The following SEMA3E variants were observed in gnomAD, a reference collection of about 807,000 sequenced individuals.
The protein encoded by SEMA3E is semaphorin-3E.
Under a neutral mutation model 93.6 loss-of-function variants are expected in SEMA3E, and 49 were observed. The observed-to-expected ratio is 0.52, with a 90% CI of 0.42 to 0.66. SEMA3E has a LOEUF of 0.66. Ranked by LOEUF, SEMA3E falls within the 30% of genes least tolerant of loss-of-function variation. SEMA3E has a pLI of 0.00. For missense variants in SEMA3E, 906 were observed against 964.8 expected, an observed-to-expected ratio of 0.94 and a Z score of 0.81; for synonymous variants, 363 against 330.7, an observed-to-expected ratio of 1.10 and a Z score of -1.06.
chr7:83,633,226 C>A lies in SEMA3E; in HGVS notation c.115+15202G>T, dbSNP rs770446106. ...GCCCCCTTCTTTACCTCTTCTTCTTCTCTCTGACTTTCTAACAAACACCTT... is the reference window on the plus strand; with the variant it reads ...GCCCCCTTCTTTACCTCTTCTTCTTATCTCTGACTTTCTAACAAACACCTT... On this transcript the variant is annotated intron_variant, in intron 1 of 16. Coordinates refer to ENST00000643230, the MANE Select transcript of SEMA3E (RefSeq NM_012431.3). Among the ~76,000 whole-genome samples the A allele has an allele frequency of 2.8e-4, 42 of 152,162 alleles. 1 individual carries two copies. Among genetic ancestry groups the A allele is most frequent in the Non-Finnish European group, 2.2e-4 (15 of 67,996 alleles).
At chr7:83,624,481 T>C (rs1364740055) in intron 1 of SEMA3E, among the ~76,000 whole-genome samples, 1 of 152,224 alleles carries the variant, frequency 6.6e-6, no homozygotes, top group Non-Finnish European at 1.5e-5. Flanking sequence ...TCAGTGATGA[T>C]AAGCTTTTTT....
At chr7:83,572,374 G>A (rs550954277) in intron 1 of SEMA3E, among the ~76,000 whole-genome samples, 1 of 152,020 alleles carries the variant, frequency 6.6e-6, no homozygotes, top group South Asian at 2.1e-4. Context: ...GTACAAAAAC[G>A]GATACACTGT....
chr7:83,612,097 T>C (rs1360521020), intron 1 of SEMA3E, among the ~76,000 whole-genome samples: 1 of 152,150 alleles, frequency 6.6e-6, no homozygotes, highest in Non-Finnish European at 1.5e-5. Flanking sequence ...TGTAATTCTC[T>C]ACTCACATAT....
intron 1 of SEMA3E, among the ~76,000 whole-genome samples, chr7:83,510,402 T>A (rs186939628): frequency 6.6e-6 from 1 of 152,336 alleles, no homozygotes; most frequent in East Asian, 1.9e-4. Context: ...AAGCTTCTCA[T>A]ATTTCTAGAG....
intron 1 of SEMA3E, among the ~76,000 whole-genome samples, chr7:83,611,327 T>C (rs1793254925): frequency 6.9e-6 from 1 of 144,308 alleles, no homozygotes; most frequent in East Asian, 2.0e-4. Context: ...GTATAATATA[T>C]AAATTTATAT....
At chr7:83,483,213 A>C (rs1310497558) in intron 2 of SEMA3E, among the ~76,000 whole-genome samples, 1 of 152,016 alleles carries the variant, frequency 6.6e-6, no homozygotes, top group East Asian at 1.9e-4. Context: ...GGCAAACTAT[A>C]GTAGTAGTAG....
At chr7:83,412,774 A>AC (rs1788467002) in intron 5 of SEMA3E, among the ~76,000 whole-genome samples, 1 of 151,858 alleles carries the variant, frequency 6.6e-6, no homozygotes, top group African/African-American at 2.4e-5. Flanking sequence ...AAAAAAAAAA[A>AC]AAAACACACA....
chr7:83,504,085 T>C (rs1790649137), intron 1 of SEMA3E, among the ~76,000 whole-genome samples: 1 of 152,208 alleles, frequency 6.6e-6, no homozygotes, highest in Non-Finnish European at 1.5e-5. Flanking sequence ...ACCAGGAGTT[T>C]GCAATCTGAC....
At chr7:83,437,035 C>T (rs575543798) in intron 4 of SEMA3E, among the ~76,000 whole-genome samples, 3 of 152,138 alleles carry the variant, frequency 2.0e-5, no homozygotes, top group African/African-American at 7.2e-5. Flanking sequence ...CGTCAGATCT[C>T]GTGAGACTTA....
At chr7:83,595,207 T>C (rs896765133) in intron 1 of SEMA3E, among the ~76,000 whole-genome samples, 3 of 152,080 alleles carry the variant, frequency 2.0e-5, no homozygotes, top group African/African-American at 7.2e-5. Flanking sequence ...ACAAAAAAAT[T>C]GGTTTATCTA....
At chr7:83,378,122 G>A (rs1460995622) in intron 16 of SEMA3E, among the ~76,000 whole-genome samples, 2 of 151,700 alleles carry the variant, frequency 1.3e-5, no homozygotes, top group Non-Finnish European at 2.9e-5. Flanking sequence ...ATTTAGGCTT[G>A]TATTTCAGAT....
chr7:83,531,338 A>ATTTTTT (rs1363628918), intron 1 of SEMA3E, among the ~76,000 whole-genome samples: 12 of 40,024 alleles, frequency 3.0e-4, no homozygotes, highest in South Asian at 1.1e-3. Context: ...TGATTGGAAT[A>ATTTTTT]TTCTTTTTTT....
chr7:83,410,783 T>C (rs1788424297), intron 5 of SEMA3E, among the ~76,000 whole-genome samples: 1 of 152,076 alleles, frequency 6.6e-6, no homozygotes, highest in African/African-American at 2.4e-5. Context: ...AAATTGACTA[T>C]TAACACATGA....
At chr7:83,623,005 TA>T (rs1243637336) in intron 1 of SEMA3E, among the ~76,000 whole-genome samples, 1 of 151,824 alleles carries the variant, frequency 6.6e-6, no homozygotes, top group African/African-American at 2.4e-5. Context: ...GATAAATAAA[TA>T]AAAAAATAAG....
intron 1 of SEMA3E, among the ~76,000 whole-genome samples, chr7:83,493,579 T>G (rs915058262): frequency 4.6e-5 from 7 of 151,962 alleles, no homozygotes; most frequent in Non-Finnish European, 4.4e-5. Context: ...AGACTATAGT[T>G]TTCTTTAAAC....
intron 1 of SEMA3E, among the ~76,000 whole-genome samples, chr7:83,609,891 A>G (rs999081468): frequency 7.9e-5 from 12 of 152,010 alleles, no homozygotes; most frequent in Admixed American, 7.2e-4. Context: ...TTATAAAATT[A>G]AATATTGTAT....
Position 83,641,289 on chromosome 7 carries a change from C to A in SEMA3E, c.115+7139G>T, listed in dbSNP as rs988726540. On this transcript the variant is annotated intron_variant, in intron 1 of 16. Coordinates refer to ENST00000643230, the MANE Select transcript of SEMA3E (RefSeq NM_012431.3). ...TCACTTGATGAGCACTTGTTGAATG[C>A]CTACTAAGTGTCAGGAACTGTGCAT... 9 of 587,264 alleles carry A rather than the reference C, an allele frequency of 1.5e-5. No individual in the cohort carries two copies. The Admixed American group carries it at 5.1e-4, about 33-fold the overall frequency. The allele number at this position is 587,264 out of a possible 1,614,324, so 36.4% of individuals were successfully genotyped here. A position where few individuals can be genotyped will look rare whatever the true frequency, so the allele number is the denominator to read the frequency against.
At chr7:83,544,907 T>C (rs922153225) in intron 1 of SEMA3E, among the ~76,000 whole-genome samples, 2 of 152,090 alleles carry the variant, frequency 1.3e-5, no homozygotes, top group African/African-American at 4.8e-5. Context: ...GAACGAAATA[T>C]ATTTGCTGAA....
chr7:83,442,456 C>A (rs933181172), intron 4 of SEMA3E, among the ~76,000 whole-genome samples: 4 of 152,132 alleles, frequency 2.6e-5, no homozygotes, highest in African/African-American at 7.2e-5. Flanking sequence ...GGCTCCTTTA[C>A]TTTTATACTC....
Sources: allele counts gnomAD v4.1 joint callset (sites outside exome capture counted in the v4.1 genomes callset), GRCh38; gene constraint gnomAD v4.1.1; transcripts MANE v1.5; gene names NCBI Gene and HGNC (gene_info 2026-07-23, HGNC 2026-07-21).